Variants in GRK5 observed in about 807,000 individuals in gnomAD.
The protein encoded by GRK5 is g protein-coupled receptor kinase GRK5.
In GRK5, 40 loss-of-function variants were observed where a neutral mutation model predicts 78.4. The ratio of observed to expected loss-of-function variants is 0.51; its 90% confidence interval spans 0.40 to 0.66. The LOEUF (loss-of-function observed/expected upper bound fraction) is 0.66. Among genes scored for constraint, GRK5 ranks in the 30% least tolerant of loss-of-function variants. The pLI, the probability that GRK5 is intolerant of heterozygous loss-of-function variation, is 0.00. For missense variants in GRK5, 598 were observed against 759.9 expected, an observed-to-expected ratio of 0.79 and a Z score of 2.50; for synonymous variants, 289 against 296.8, an observed-to-expected ratio of 0.97 and a Z score of 0.27.
intron 1 of GRK5, among the ~76,000 whole-genome samples, chr10:119,284,866 A>G (rs1007673509): frequency 1.3e-5 from 2 of 152,140 alleles, no homozygotes; most frequent in Admixed American, 6.5e-5. Context: ...TCTCGTGGAA[A>G]TGGAGGGGAG....
intron 4 of GRK5, among the ~76,000 whole-genome samples, chr10:119,422,587 T>C (rs1852592934): frequency 6.6e-6 from 1 of 152,356 alleles, no homozygotes; most frequent in South Asian, 2.1e-4. Context: ...TCCTCCCTCC[T>C]GAGCCTTCCT....
chr10:119,430,825 T>C lies in GRK5; in HGVS notation c.597+387T>C, dbSNP rs1852802239. ...GCAAGATTCGAGATTTCGTTGTACATTACCCGATCTTCCCAGCATGTGAGG... is the reference window on the plus strand; with the variant it reads ...GCAAGATTCGAGATTTCGTTGTACACTACCCGATCTTCCCAGCATGTGAGG... On this transcript the variant is annotated intron_variant, in intron 7 of 15. Coordinates refer to ENST00000392870, the MANE Select transcript of GRK5 (RefSeq NM_005308.3). The surrounding 1 kb of genome is among the most constrained non-coding windows in gnomAD (Gnocchi z 4.5). Among the ~76,000 whole-genome samples the C allele has an allele frequency of 6.6e-6, 1 of 152,134 alleles. No homozygotes were observed. Among genetic ancestry groups the C allele is most frequent in the Non-Finnish European group, 1.5e-5 (1 of 68,014 alleles).
In GRK5 at chr10:119,371,376, A is replaced by G. The variant is rs536446390; in HGVS notation, c.149-9439A>G. 7.2e-5 allele frequency among the ~76,000 whole-genome samples: 11 copies of G among 152,382 alleles called. No individual in the cohort carries two copies. In the East Asian group the frequency reaches 1.9e-3, roughly 27 times the overall value. ...AACTCTGGTTGCCCTCCAAGAGTCC[A>G]CATACTGCAGGCTCTTAATTAAGAA... is the stretch of plus-strand genomic sequence containing the variant. On this transcript the variant is annotated intron_variant, in intron 2 of 15. Transcript: ENST00000392870.
chr10:119,435,329 A>G (rs1162680600), intron 8 of GRK5, among the ~76,000 whole-genome samples: 2 of 152,210 alleles, frequency 1.3e-5, no homozygotes, highest in Non-Finnish European at 2.9e-5. Context: ...TTGCATTGTC[A>G]GGCTGCAAAC....
chr10:119,434,348 A>G (rs1371797370), intron 8 of GRK5, among the ~76,000 whole-genome samples: 1 of 152,236 alleles, frequency 6.6e-6, no homozygotes, highest in African/African-American at 2.4e-5. Context: ...CCAAAGTCCC[A>G]TCTGAGACAA....
intron 4 of GRK5, among the ~76,000 whole-genome samples, chr10:119,401,480 G>C (rs1375278998): frequency 6.6e-6 from 1 of 152,190 alleles, no homozygotes; most frequent in African/African-American, 2.4e-5. Flanking sequence ...TGCTGAGAAG[G>C]ACGTGAGCTT....
intron 2 of GRK5, among the ~76,000 whole-genome samples, chr10:119,361,732 G>A (rs4752295): frequency 0.028 from 4,257 of 152,162 alleles, 158 homozygotes; most frequent in East Asian, 0.14. Flanking sequence ...AGGCTGAGGC[G>A]GGCAGATCAC....
chr10:119,263,353 GA>G (rs528064521), intron 1 of GRK5, among the ~76,000 whole-genome samples: 1 of 151,782 alleles, frequency 6.6e-6, no homozygotes, highest in African/African-American at 2.4e-5. Context: ...TCCTGCAGTG[GA>G]AAAAAAATTT....
At chr10:119,291,618 T>TCC (rs1564879211) in intron 1 of GRK5, among the ~76,000 whole-genome samples, 46 of 87,890 alleles carry the variant, frequency 5.2e-4, no homozygotes, top group Non-Finnish European at 7.7e-4. Flanking sequence ...CCTCCTCTTC[T>TCC]TCCTCCTCTT....
intron 2 of GRK5, among the ~76,000 whole-genome samples, chr10:119,366,357 G>C (rs1157812999): frequency 1.3e-5 from 2 of 152,084 alleles, no homozygotes; most frequent in Non-Finnish European, 2.9e-5. Context: ...GGAGGCAAAG[G>C]GGGTGGCGGA....
At chr10:119,367,923 T>C (rs992230888) in intron 2 of GRK5, among the ~76,000 whole-genome samples, 1 of 152,236 alleles carries the variant, frequency 6.6e-6, no homozygotes, top group Admixed American at 6.5e-5. Flanking sequence ...TGATCCTCGC[T>C]AGACCCCGGC....
intron 3 of GRK5, among the ~76,000 whole-genome samples, chr10:119,385,941 G>A (rs1461524291): frequency 6.6e-6 from 1 of 152,036 alleles, no homozygotes; most frequent in Non-Finnish European, 1.5e-5. Flanking sequence ...CTAGAGTGCA[G>A]TGGTGTGATC....
chr10:119,315,959 A>G (rs1437377424), intron 1 of GRK5, among the ~76,000 whole-genome samples: 1 of 152,206 alleles, frequency 6.6e-6, no homozygotes, highest in African/African-American at 2.4e-5. Flanking sequence ...CTGCATTAGC[A>G]TAATGCTGAC....
At chr10:119,288,944 A>T (rs1346005171) in intron 1 of GRK5, among the ~76,000 whole-genome samples, 1 of 152,218 alleles carries the variant, frequency 6.6e-6, no homozygotes, top group Non-Finnish European at 1.5e-5. Flanking sequence ...CACTCAGGTC[A>T]CATTCCCAGA....
At position 119,335,177 on chromosome 10, in the gene GRK5, C is replaced by CTCTCTCTCTCTCT. The variant is rs1850858582; in HGVS notation, c.148+8566_148+8567insTCTCTCTCTCTCT. On this transcript the variant is annotated intron_variant, in intron 2 of 15. Coordinates refer to ENST00000392870, the MANE Select transcript of GRK5 (RefSeq NM_005308.3). ...CTCTCTCTCTCTCTCTCTCTCTCTC[C>CTCTCTCTCTCTCT]CCCTCTCCCTCTCCCCCCACCTCCT... is the stretch of plus-strand genomic sequence containing the variant. Among the ~76,000 whole-genome samples, 2 of 35,828 alleles carry CTCTCTCTCTCTCT rather than the reference C, an allele frequency of 5.6e-5. 1 individual carries two copies. The highest frequency in any genetic ancestry group is 1.1e-4 in the Non-Finnish European group (2 of 18,032). The allele number at this position is 35,828 out of a possible 152,430, so 23.5% of individuals were successfully genotyped here.
At chr10:119,247,876 C>T (rs1290323594) in intron 1 of GRK5, among the ~76,000 whole-genome samples, 1 of 152,174 alleles carries the variant, frequency 6.6e-6, no homozygotes, top group East Asian at 1.9e-4. Context: ...CATATATATA[C>T]AGACAATCAT....
intron 1 of GRK5, among the ~76,000 whole-genome samples, chr10:119,276,565 G>A (rs943970717): frequency 1.3e-5 from 2 of 152,152 alleles, no homozygotes; most frequent in African/African-American, 4.8e-5. Context: ...AAACATACGT[G>A]TGCATGTGTC....
intron 12 of GRK5, among the ~76,000 whole-genome samples, chr10:119,446,457 G>C (rs1265505166): frequency 1.4e-5 from 2 of 147,330 alleles, no homozygotes; most frequent in South Asian, 4.4e-4. Flanking sequence ...GCCCGGCCCG[G>C]CCCACCCAGC....
intron 2 of GRK5, among the ~76,000 whole-genome samples, chr10:119,340,045 C>T (rs1259412123): frequency 6.6e-6 from 1 of 152,154 alleles, no homozygotes; most frequent in African/African-American, 2.4e-5. Flanking sequence ...ATTTTGAGTA[C>T]TGCTTTGTTT....
Sources: gnomAD v4.1 joint callset for allele counts (sites outside exome capture counted in the v4.1 genomes callset) on GRCh38, gnomAD v4.1.1 for gene constraint, Gnocchi (gnomAD v3.1) non-coding constraint, MANE v1.5 for transcripts, NCBI Gene and HGNC (gene_info 2026-07-23, HGNC 2026-07-21) for gene names.